FMR1NB: variants seen among roughly 807,000 people sequenced by gnomAD.
FMR1NB encodes the protein FMR1 neighbor.
In FMR1NB, 10 loss-of-function variants were observed where a neutral mutation model predicts 16.8. That is an observed-to-expected ratio of 0.60 (90% CI 0.37 to 1.01). FMR1NB has a LOEUF of 1.01. Among genes scored for constraint, FMR1NB ranks in the 50% least tolerant of loss-of-function variants. FMR1NB has a pLI of 0.01. For synonymous variants in FMR1NB, 83 were observed against 79.1 expected, an observed-to-expected ratio of 1.05 and a Z score of -0.26; for missense variants, 205 against 204.8, an observed-to-expected ratio of 1.00 and a Z score of 0.00.
chrX:148,011,809 C>T (rs2044626799), intron 4 of FMR1NB, among the ~76,000 whole-genome samples: 1 of 110,993 alleles, frequency 9.0e-6, no homozygotes, highest in Non-Finnish European at 1.9e-5. Flanking sequence ...TTAATTTTGC[C>T]ACTGAAAAAA....
chrX:148,011,230 C>T (rs1198557533), intron 4 of FMR1NB, among the ~76,000 whole-genome samples: 1 of 110,060 alleles, frequency 9.1e-6, no homozygotes, highest in Admixed American at 9.8e-5. Context: ...CGTCACTGCA[C>T]TCTAGCCTGG....
At chrX:148,013,273 C>T (rs1463505088) in intron 4 of FMR1NB, among the ~76,000 whole-genome samples, 1 of 111,784 alleles carries the variant, frequency 8.9e-6, no homozygotes, top group Non-Finnish European at 1.9e-5. Context: ...CATTCTGTTG[C>T]CAAGTAACTA....
At chrX:148,005,046 C>A (rs901218773) in intron 2 of FMR1NB, among the ~76,000 whole-genome samples, 3 of 111,882 alleles carry the variant, frequency 2.7e-5, no homozygotes, top group African/African-American at 9.7e-5. Flanking sequence ...CATGCCACCA[C>A]GCCCAGCTAA....
At chrX:148,014,383 C>G (rs1272534995) in intron 4 of FMR1NB, among the ~76,000 whole-genome samples, 2 of 112,129 alleles carry the variant, frequency 1.8e-5, no homozygotes, top group South Asian at 3.7e-4. Flanking sequence ...TCTTGCCAGA[C>G]TCATCTTCCT....
intron 1 of FMR1NB, among the ~76,000 whole-genome samples, chrX:147,989,355 T>C (rs1300535242): frequency 8.9e-6 from 1 of 111,792 alleles, no homozygotes; most frequent in East Asian, 2.8e-4. Flanking sequence ...AAGATTGCTT[T>C]CTGCTCCTTT....
chrX:148,003,230 C>T lies in FMR1NB; in HGVS notation c.307C>T (p.His103Tyr), dbSNP rs1557188794. ...GSSYFVLANGHILPNSENAHG... is the reference protein window; with the variant it reads ...GSSYFVLANGYILPNSENAHG... ...CTCATATTTTGTGCTTGCAAATGGA[C>T]ATATCCTGCCCAACAGTGAAAATGC... The change falls in exon 2 of 6, where the codon CAT becomes TAT. Residue 103 changes from histidine (H) to tyrosine (Y), a missense_variant. Transcript: ENST00000370467. 8.3e-7 allele frequency: 1 copy of T among 1,209,557 alleles called. No individual in the cohort carries two copies. Among genetic ancestry groups the T allele is most frequent in the African/African-American group, 1.7e-5 (1 of 57,822 alleles).
chrX:148,020,742 T>C (rs1430496606), intron 4 of FMR1NB, among the ~76,000 whole-genome samples: 1 of 111,909 alleles, frequency 8.9e-6, no homozygotes, highest in African/African-American at 3.3e-5. Flanking sequence ...TTTCCTACTG[T>C]GGCTGAGCTG....
Position 147,984,683 on chromosome X carries a change from G to A in FMR1NB, c.277+3004G>A, listed in dbSNP as rs782511108. ...GAGAGAGTTTTACTTTTTACTTTCC[G>A]ATTTTCATGCCATTTATTTATCCTT... is the stretch of plus-strand genomic sequence containing the variant. On this transcript the variant is annotated intron_variant, in intron 1 of 5. Transcript: ENST00000370467. Among the ~76,000 whole-genome samples the A allele has an allele frequency of 9.9e-5, 11 of 111,519 alleles. No individual in the cohort carries two copies. In the South Asian group the frequency reaches 3.7e-3, roughly 38 times the overall value.
chrX:148,024,782 A>G, intron 4 of FMR1NB, 83 bp from the exon 5 acceptor site: 1 of 1,087,711 alleles, frequency 9.2e-7, no homozygotes, highest in Non-Finnish European at 1.2e-6. Flanking sequence ...TATCTGGGCA[A>G]ATATTTTTTT....
chrX:147,991,966 G>A (rs1370764275), intron 1 of FMR1NB, among the ~76,000 whole-genome samples: 1 of 110,926 alleles, frequency 9.0e-6, no homozygotes, highest in Non-Finnish European at 1.9e-5. Flanking sequence ...AGAGAGCACA[G>A]GGTTGGGGGC....
chrX:148,006,628 C>T, intron 2 of FMR1NB, 74 bp from the exon 3 acceptor site: 5 of 1,054,475 alleles, frequency 4.7e-6, no homozygotes, highest in Admixed American at 5.8e-5. Context: ...CTTTGTCTTC[C>T]AGTAATTATT....
chrX:148,012,851 T>A (rs1341048324), intron 4 of FMR1NB, among the ~76,000 whole-genome samples: 1 of 112,329 alleles, frequency 8.9e-6, no homozygotes, highest in Non-Finnish European at 1.9e-5. Flanking sequence ...TTCCCATGTT[T>A]GCATATCTCA....
Position 148,006,757 on chromosome X carries a change from T to C in FMR1NB, c.453T>C (p.Leu151=). 1 of 1,210,443 alleles carries C rather than the reference T, an allele frequency of 8.3e-7. No homozygotes were observed. The highest frequency in any genetic ancestry group is 1.1e-6 in the Non-Finnish European group (1 of 894,491). The part of the protein sequence containing the change: ...VAKPCNELQD[L]SESECLRHKC... The stretch of plus-strand genomic sequence containing the variant: ...AGCCTTGTAATGAGCTGCAAGATCT[T>C]AGTGAGAGTGAATGTTTGAGACACA... Residue 151 remains leucine, a synonymous_variant, in exon 3 of 6, where the codon CTT becomes CTC. Transcript: ENST00000370467.
chrX:148,002,096 G>C (rs923987690), intron 1 of FMR1NB, among the ~76,000 whole-genome samples: 3 of 111,239 alleles, frequency 2.7e-5, no homozygotes, highest in African/African-American at 9.8e-5. Context: ...GGAAGAGATT[G>C]ATAGATTTAA....
intron 2 of FMR1NB, among the ~76,000 whole-genome samples, chrX:148,004,864 C>T (rs782084999): frequency 8.9e-6 from 1 of 112,434 alleles, no homozygotes; most frequent in Non-Finnish European, 1.9e-5. Context: ...TTACCAATGC[C>T]TCTTAGTAAT....
At chrX:148,004,378 G>T (rs1722987536) in intron 2 of FMR1NB, among the ~76,000 whole-genome samples, 1 of 111,899 alleles carries the variant, frequency 8.9e-6, no homozygotes, top group Non-Finnish European at 1.9e-5. Flanking sequence ...TGTAAAAATG[G>T]TTCGAAAAAG....
At chrX:148,015,709 T>A (rs1409797419) in intron 4 of FMR1NB, among the ~76,000 whole-genome samples, 3 of 112,412 alleles carry the variant, frequency 2.7e-5, no homozygotes, top group African/African-American at 6.5e-5. Flanking sequence ...TTTTTTTCAA[T>A]GTTTTAGGGC....
intron 1 of FMR1NB, among the ~76,000 whole-genome samples, chrX:147,990,432 C>T (rs1420716209): frequency 3.6e-5 from 4 of 111,747 alleles, no homozygotes; most frequent in Non-Finnish European, 5.6e-5. Flanking sequence ...TGTTCCTTTT[C>T]GGCCATCTTG....
intron 4 of FMR1NB, among the ~76,000 whole-genome samples, chrX:148,018,695 A>G (rs2044663380): frequency 9.0e-6 from 1 of 110,907 alleles, no homozygotes; most frequent in South Asian, 3.8e-4. Context: ...AAAGACTTAA[A>G]CGTTAGACCT....
Sources: allele counts gnomAD v4.1 joint callset (sites outside exome capture counted in the v4.1 genomes callset), GRCh38; gene constraint gnomAD v4.1.1; transcripts MANE v1.5; gene names NCBI Gene and HGNC (gene_info 2026-07-23, HGNC 2026-07-21).